Variants in KIRREL3 observed in about 807,000 individuals in gnomAD.
The protein encoded by KIRREL3 is kin of IRRE-like protein 3.
In KIRREL3, 36 loss-of-function variants were observed where a neutral mutation model predicts 89.7. The ratio of observed to expected loss-of-function variants is 0.40; its 90% confidence interval spans 0.31 to 0.53. The LOEUF is 0.53. Among genes scored for constraint, KIRREL3 ranks in the 20% least tolerant of loss-of-function variants. KIRREL3 has a pLI of 0.49. For synonymous variants in KIRREL3, 445 were observed against 441.4 expected (o/e 1.01, Z -0.10); for missense variants, 864 against 1,056.6 (o/e 0.82, Z 2.53).
chr11:126,727,333 A>G (rs1441433337), intron 1 of KIRREL3, among the ~76,000 whole-genome samples: 2 of 152,210 alleles, frequency 1.3e-5, no homozygotes, highest in South Asian at 2.1e-4. Context: ...CACCTCCCAG[A>G]CCCCTCGGAA....
In KIRREL3 at chr11:126,857,250, T is replaced by A. The variant is rs546887811; in HGVS notation, c.55+143205A>T. Among the ~76,000 whole-genome samples, 4 of 152,342 alleles carry A rather than the reference T, an allele frequency of 2.6e-5. No homozygotes were observed. In the South Asian group the frequency reaches 8.3e-4, roughly 32 times the overall value. Reference sequence around the variant, plus strand: ...TGGGTGCCCAGCCCACCCACCTGTGTGCCTTGCTCCAATGGACCCCACCTG... The same window carrying A: ...TGGGTGCCCAGCCCACCCACCTGTGAGCCTTGCTCCAATGGACCCCACCTG... On this transcript the variant is annotated intron_variant, in intron 1 of 16. Coordinates refer to ENST00000525144, the MANE Select transcript of KIRREL3 (RefSeq NM_032531.4).
intron 1 of KIRREL3, among the ~76,000 whole-genome samples, chr11:126,816,633 C>T (rs1473691456): frequency 2.6e-5 from 4 of 152,198 alleles, no homozygotes; most frequent in African/African-American, 9.6e-5. Flanking sequence ...AGGAATCTCC[C>T]ACGTGCTCAC....
chr11:126,431,038 T>G lies in KIRREL3; in HGVS notation c.1696+381A>C, dbSNP rs900168071. 8.2e-7 allele frequency: 1 copy of G among 1,213,174 alleles called. No homozygotes were observed. The highest frequency in any genetic ancestry group is 1.0e-6 in the Non-Finnish European group (1 of 974,550). 75.2% of individuals were successfully genotyped at this position (1,213,174 alleles called of 1,614,324 possible). A position where few individuals can be genotyped will look rare whatever the true frequency, so the allele number is the denominator to read the frequency against. The stretch of plus-strand genomic sequence containing the variant: ...TCTGGTGAGACTAGCAGCTCTTTAT[T>G]TTTATTTTGTTGTAGAGATGGGGTC... On this transcript the variant is annotated intron_variant, in intron 14 of 16. Coordinates refer to ENST00000525144, the MANE Select transcript of KIRREL3 (RefSeq NM_032531.4). The surrounding 1 kb of genome is among the most constrained non-coding windows in gnomAD (Gnocchi z 7.1).
At position 126,525,306 on chromosome 11, in the gene KIRREL3, G is replaced by T; in HGVS notation, c.283+1232C>A. Among the ~76,000 whole-genome samples, 1 of 152,206 alleles carries T rather than the reference G, an allele frequency of 6.6e-6. No homozygotes were observed. The highest frequency in any genetic ancestry group is 1.9e-4 in the East Asian group (1 of 5,190). ...CAGTGCATGAACTATTCTAGTTTGGGAAGGTTGTATCATTCCTGGAGTTTC... is the reference window on the plus strand; with the variant it reads ...CAGTGCATGAACTATTCTAGTTTGGTAAGGTTGTATCATTCCTGGAGTTTC... On this transcript the variant is annotated intron_variant, in intron 3 of 16. Transcript: ENST00000525144. This position sits in a 1 kb window ranked among gnomAD's most constrained non-coding sequence, Gnocchi z 5.4.
rs778485861 is a variant in KIRREL3 at position 126,783,674 on chromosome 11, A to T, written c.55+216781T>A. Among the ~76,000 whole-genome samples, 17 of 152,232 alleles carry T rather than the reference A, an allele frequency of 1.1e-4. No homozygotes were observed. Among genetic ancestry groups the T allele is most frequent in the Non-Finnish European group, 2.2e-4 (15 of 68,056 alleles). ...TGAAGGAATAAATACAGAAATAAATAAATGGAGGAGAATAGATAGACTCCA... is the reference window on the plus strand; with the variant it reads ...TGAAGGAATAAATACAGAAATAAATTAATGGAGGAGAATAGATAGACTCCA... On this transcript the variant is annotated intron_variant, in intron 1 of 16. Coordinates refer to ENST00000525144, the MANE Select transcript of KIRREL3 (RefSeq NM_032531.4). This position sits in a 1 kb window ranked among gnomAD's most constrained non-coding sequence, Gnocchi z 4.3.
chr11:126,789,598 A>G (rs1950577072), intron 1 of KIRREL3, among the ~76,000 whole-genome samples: 1 of 152,122 alleles, frequency 6.6e-6, no homozygotes, highest in African/African-American at 2.4e-5. Flanking sequence ...TGCCCTTGTT[A>G]AGACCCTTGC....
chr11:126,963,240 C>T (rs1324513897), intron 1 of KIRREL3, among the ~76,000 whole-genome samples: 1 of 151,952 alleles, frequency 6.6e-6, no homozygotes, highest in Admixed American at 6.6e-5. Flanking sequence ...AGCCTTCTAA[C>T]ACTTAGTTTC....
intron 1 of KIRREL3, among the ~76,000 whole-genome samples, chr11:126,781,874 A>T (rs889348180): frequency 1.1e-4 from 16 of 152,154 alleles, no homozygotes; most frequent in African/African-American, 3.6e-4. Flanking sequence ...CACTTATACG[A>T]TAGATTTTCA....
Position 126,588,133 on chromosome 11 carries a change from C to T in KIRREL3, c.56-25221G>A, listed in dbSNP as rs149878141. Among the ~76,000 whole-genome samples, 1,277 of 152,256 alleles carry T rather than the reference C, an allele frequency of 8.4e-3. 10 individuals carry two copies. Among genetic ancestry groups the T allele is most frequent in the Non-Finnish European group, 0.012 (850 of 68,028 alleles). On this transcript the variant is annotated intron_variant, in intron 1 of 16. Coordinates refer to ENST00000525144, the MANE Select transcript of KIRREL3 (RefSeq NM_032531.4). ...ATCAGCAAAATGGGCTTTATTGTTC[C>T]CCGGCTCATGGAATCATTGTGGGAC...
chr11:126,876,065 A>T lies in KIRREL3; in HGVS notation c.55+124390T>A, dbSNP rs1205560533. 6.6e-6 allele frequency among the ~76,000 whole-genome samples: 1 copy of T among 152,112 alleles called. No individual in the cohort carries two copies. Among genetic ancestry groups the T allele is most frequent in the Non-Finnish European group, 1.5e-5 (1 of 68,014 alleles). On this transcript the variant is annotated intron_variant, in intron 1 of 16. Transcript: ENST00000525144. The surrounding 1 kb of genome is among the most constrained non-coding windows in gnomAD (Gnocchi z 4.1). ...GTGATGGGAGGGGCACAGGAGGGGT[A>T]TTGGAGGTGACCTATTGTTGGAAAT... is the stretch of plus-strand genomic sequence containing the variant.
chr11:126,997,317 C>T lies in KIRREL3; in HGVS notation c.55+3138G>A, dbSNP rs955899810. On this transcript the variant is annotated intron_variant, in intron 1 of 16. Coordinates refer to ENST00000525144, the MANE Select transcript of KIRREL3 (RefSeq NM_032531.4). The surrounding 1 kb of genome is among the most constrained non-coding windows in gnomAD (Gnocchi z 4.3). ...CAAATTGTGCTGTGACATTATCCCT[C>T]TCTGAACAAAGCATGACCGTCCTGA... 6.6e-5 allele frequency among the ~76,000 whole-genome samples: 10 copies of T among 152,322 alleles called. No homozygotes were observed. In the East Asian group the frequency reaches 1.4e-3, roughly 21 times the overall value.
Position 126,791,359 on chromosome 11 carries a change from C to T in KIRREL3, c.55+209096G>A, listed in dbSNP as rs901025414. Among the ~76,000 whole-genome samples, 9 of 152,232 alleles carry T rather than the reference C, an allele frequency of 5.9e-5. No homozygotes were observed. Among genetic ancestry groups the T allele is most frequent in the Admixed American group, 2.6e-4 (4 of 15,286 alleles). On this transcript the variant is annotated intron_variant, in intron 1 of 16. Coordinates refer to ENST00000525144, the MANE Select transcript of KIRREL3 (RefSeq NM_032531.4). This position sits in a 1 kb window ranked among gnomAD's most constrained non-coding sequence, Gnocchi z 4.8. ...TCCAATTCATCGTCCCTGGCCTGGGCTGCATGCAGCCAGCTACCCGCTTCC... is the reference window on the plus strand; with the variant it reads ...TCCAATTCATCGTCCCTGGCCTGGGTTGCATGCAGCCAGCTACCCGCTTCC...
At position 126,498,213 on chromosome 11, in the gene KIRREL3, G is replaced by A. The variant is rs1040780815; in HGVS notation, c.433+23102C>T. Among the ~76,000 whole-genome samples the A allele has an allele frequency of 1.3e-5, 2 of 152,166 alleles. No homozygotes were observed. The highest frequency in any genetic ancestry group is 2.9e-5 in the Non-Finnish European group (2 of 68,036). The stretch of plus-strand genomic sequence containing the variant: ...CTAAAACCCGAGGAGGGGAAGAGAG[G>A]GGTAGCACAAAAGAGGATTTACTTT... On this transcript the variant is annotated intron_variant, in intron 4 of 16. Transcript: ENST00000525144. The surrounding 1 kb of genome is among the most constrained non-coding windows in gnomAD (Gnocchi z 4.3).
intron 2 of KIRREL3, among the ~76,000 whole-genome samples, chr11:126,538,557 C>T (rs1938102064): frequency 6.6e-6 from 1 of 152,200 alleles, no homozygotes; most frequent in African/African-American, 2.4e-5. Flanking sequence ...GCATCTAACA[C>T]AGGAGGATCA....
In KIRREL3 at chr11:126,521,570, T is replaced by C; in HGVS notation, c.284-106A>G. On this transcript the variant is annotated intron_variant, in intron 3 of 16. Transcript: ENST00000525144. This position sits in a 1 kb window ranked among gnomAD's most constrained non-coding sequence, Gnocchi z 4.1. The stretch of plus-strand genomic sequence containing the variant: ...CCAAGCAGGGGCCATTCTACAAGGC[T>C]GGCAGAGCGGGTGATTGCTCAGGGC... 9.8e-7 allele frequency: 1 copy of C among 1,016,540 alleles called. No homozygotes were observed. Among genetic ancestry groups the C allele is most frequent in the Non-Finnish European group, 1.4e-6 (1 of 699,746 alleles). The allele number at this position is 1,016,540 out of a possible 1,614,324, so 63.0% of individuals were successfully genotyped here. A position where few individuals can be genotyped will look rare whatever the true frequency, so the allele number is the denominator to read the frequency against.
intron 1 of KIRREL3, among the ~76,000 whole-genome samples, chr11:126,919,866 G>GTGTAACTGC (rs1229013127): frequency 6.6e-6 from 1 of 152,156 alleles, no homozygotes; most frequent in African/African-American, 2.4e-5. Flanking sequence ...AGTAACAATA[G>GTGTAACTGC]TGTAACTGCA....
At chr11:126,597,302 G>A (rs1942444804) in intron 1 of KIRREL3, among the ~76,000 whole-genome samples, 1 of 152,220 alleles carries the variant, frequency 6.6e-6, no homozygotes, top group Admixed American at 6.5e-5. Context: ...AGTGCCAGTA[G>A]CCCGCTGCAA....
chr11:126,828,135 G>C (rs1463473880), intron 1 of KIRREL3, among the ~76,000 whole-genome samples: 1 of 152,226 alleles, frequency 6.6e-6, no homozygotes, highest in Non-Finnish European at 1.5e-5. Flanking sequence ...CTAAATGCCA[G>C]TACTTTTAAA....
rs546488060 is a variant in KIRREL3, at chr11:126,778,176, GT to G, written c.56-215265del. Among the ~76,000 whole-genome samples, 1 of 152,172 alleles carries G rather than the reference GT, an allele frequency of 6.6e-6. No homozygotes were observed. Among genetic ancestry groups the G allele is most frequent in the African/African-American group, 2.4e-5 (1 of 41,508 alleles). On this transcript the variant is annotated intron_variant, in intron 1 of 16. Coordinates refer to ENST00000525144, the MANE Select transcript of KIRREL3 (RefSeq NM_032531.4). This position sits in a 1 kb window ranked among gnomAD's most constrained non-coding sequence, Gnocchi z 4.5. The stretch of plus-strand genomic sequence containing the variant: ...GTGGATATCCTACACCCTTTCTAGG[GT>G]TGTATATTCATGAGATTCACATGCA...
Sources: gnomAD v4.1 joint callset for allele counts (sites outside exome capture counted in the v4.1 genomes callset) on GRCh38, gnomAD v4.1.1 for gene constraint, Gnocchi (gnomAD v3.1) non-coding constraint, MANE v1.5 for transcripts, NCBI Gene and HGNC (gene_info 2026-07-23, HGNC 2026-07-21) for gene names.